Variants in EOGT observed in about 807,000 individuals in gnomAD.
EOGT encodes EGF domain specific O-linked N-acetylglucosamine transferase.
Under a neutral mutation model 70.5 loss-of-function variants are expected in EOGT, and 55 were observed. The ratio of observed to expected loss-of-function variants is 0.78; its 90% CI spans 0.63 to 0.98. EOGT has a LOEUF of 0.98. EOGT is among the 50% of genes least tolerant of loss of function. EOGT has a pLI of 0.00. For missense variants in EOGT, 703 were observed against 641.9 expected (o/e 1.10, Z -1.03); for synonymous variants, 246 against 217.1 (o/e 1.13, Z -1.17).
intron 5 of EOGT, 22 bp from the exon 6 acceptor site, chr3:69,007,843 CTG>C (rs761578936): frequency 4.9e-5 from 76 of 1,542,108 alleles, no homozygotes; most frequent in Admixed American, 2.7e-4. Flanking sequence ...TAAAAATATT[CTG>C]TGTTTTTTTC....
chr3:68,997,589 G>C (rs1008854194), intron 10 of EOGT, among the ~76,000 whole-genome samples: 1 of 152,000 alleles, frequency 6.6e-6, no homozygotes. Context: ...GGCTAGTCTC[G>C]AACTCCTGGC....
At chr3:69,007,461 T>C (rs2091463272) in intron 6 of EOGT, among the ~76,000 whole-genome samples, 1 of 134,998 alleles carries the variant, frequency 7.4e-6, no homozygotes, top group South Asian at 2.3e-4. Context: ...GCGATCAGCC[T>C]GGCAACATGG....
In EOGT at chr3:68,992,947, C is replaced by T. The variant is rs184422920; in HGVS notation, c.832-3930G>A. Among the ~76,000 whole-genome samples the T allele has an allele frequency of 8.8e-3, 1,338 of 152,302 alleles. 20 individuals are homozygous for T. Among genetic ancestry groups the T allele is most frequent in the African/African-American group, 0.031 (1,281 of 41,566 alleles). On this transcript the variant is annotated intron_variant, in intron 10 of 17. Coordinates refer to ENST00000383701, the MANE Select transcript of EOGT (RefSeq NM_001278689.2). ...TGGCTCCTTTCAGCCATGGCTGGAGCGGCTAGGACACAAGGCACCAAGTCC... is the reference window on the plus strand; with the variant it reads ...TGGCTCCTTTCAGCCATGGCTGGAGTGGCTAGGACACAAGGCACCAAGTCC...
intron 10 of EOGT, among the ~76,000 whole-genome samples, chr3:68,995,238 C>T (rs1323264279): frequency 3.3e-5 from 5 of 152,142 alleles, no homozygotes; most frequent in Non-Finnish European, 7.4e-5. Flanking sequence ...TCCTTACCAA[C>T]AAAAGGGAAA....
Position 68,998,048 on chromosome 3 carries a change from G to T in EOGT, c.794C>A (p.Ser265Ter). Residue 265 changes from serine (S) to a stop codon, truncating the protein, a stop_gained, in exon 10 of 18, where the codon TCA becomes TAA. Transcript: ENST00000383701. LOFTEE classifies it high-confidence loss of function. ...CACGATGTACACGTCAGTACTGAAT[G>T]AGTTATTAACGTGCTGAGTAATATA... ...NLYITQHVNN[S>*]FSTDVYIVMW... is the part of the protein sequence containing the mutation. 1 of 1,599,752 alleles carries T rather than the reference G, an allele frequency of 6.3e-7. No individual in the cohort carries two copies. Among genetic ancestry groups the T allele is most frequent in the Non-Finnish European group, 8.5e-7 (1 of 1,172,288 alleles).
intron 10 of EOGT, 115 bp downstream of exon 10, chr3:68,997,896 G>A: frequency 3.1e-6 from 2 of 653,350 alleles, no homozygotes; most frequent in Non-Finnish European, 5.4e-6. Flanking sequence ...CGCATTATGT[G>A]CGGCTGTACA....
chr3:68,989,563 T>C lies in EOGT; in HGVS notation c.832-546A>G, dbSNP rs1367796093. On this transcript the variant is annotated intron_variant, in intron 10 of 17. Transcript: ENST00000383701. ...AGGAGTTTGAGACCAGCCTGACCAA[T>C]ATGATGAAACCCCATCTCTACTAAA... 3.3e-5 allele frequency among the ~76,000 whole-genome samples: 5 copies of C among 151,562 alleles called. No individual in the cohort carries two copies. In the East Asian group the frequency reaches 9.7e-4, roughly 29 times the overall value.
chr3:68,986,139 G>A (rs556952309), intron 14 of EOGT, among the ~76,000 whole-genome samples: 7 of 152,276 alleles, frequency 4.6e-5, no homozygotes, highest in East Asian at 1.9e-4. Context: ...TGTCCAGGCC[G>A]AGGCAAAAGT....
chr3:68,997,570 T>C (rs571351495), intron 10 of EOGT, among the ~76,000 whole-genome samples: 111 of 152,260 alleles, frequency 7.3e-4, no homozygotes, highest in South Asian at 2.3e-3. Flanking sequence ...GATTTCACCA[T>C]GTTGGCCAGG....
At position 69,007,818 on chromosome 3, in the gene EOGT, C is replaced by T. The variant is rs755939220; in HGVS notation, c.315G>A (p.Thr105=). 33 of 1,592,828 alleles carry T rather than the reference C, an allele frequency of 2.1e-5. No homozygotes were observed. The African/African-American group carries it at 3.5e-4, about 17-fold the overall frequency. The change falls in exon 6 of 18, where the codon ACG becomes ACA. Residue 105 remains threonine (T), a synonymous_variant. Transcript: ENST00000383701. ...PVCSYVDMGW[T]DTLESAEDIF... ...TGTCCTCAGCTGACTCAAGAGTGTC[C>T]GTCCTATTTGCAAATAAAAATATTC...
intron 9 of EOGT, among the ~76,000 whole-genome samples, chr3:68,998,354 T>G (rs2091208991): frequency 6.6e-6 from 1 of 152,184 alleles, no homozygotes; most frequent in Non-Finnish European, 1.5e-5. Flanking sequence ...CAGGAATGCA[T>G]TTTCCCATAT....
intron 10 of EOGT, among the ~76,000 whole-genome samples, chr3:68,989,490 G>A (rs946038676): frequency 2.6e-5 from 4 of 152,140 alleles, no homozygotes; most frequent in Non-Finnish European, 5.9e-5. Flanking sequence ...GCTCACAGCT[G>A]TAATCCCAGC....
At position 68,988,289 on chromosome 3, in the gene EOGT, C is replaced by G. The variant is rs748171710; in HGVS notation, c.1083+6G>C. The G allele has an allele frequency of 6.5e-7, 1 of 1,529,736 alleles. No individual in the cohort carries two copies. Among genetic ancestry groups the G allele is most frequent in the Non-Finnish European group, 8.8e-7 (1 of 1,141,338 alleles). The allele number at this position is 1,529,736 out of a possible 1,614,324, so 94.8% of individuals were successfully genotyped here. A position where few individuals can be genotyped will look rare whatever the true frequency, so the allele number is the denominator to read the frequency against. ...CCCACCTCAGAATCCGCAGTGTATC[C>G]ATTACCTTAGGTCCTTCTTGTGTGA... On this transcript the variant is annotated splice_donor_region_variant and intron_variant, in intron 13 of 17. Transcript: ENST00000383701.
In EOGT at chr3:69,004,411, G is replaced by A. The variant is rs778686242; in HGVS notation, c.587C>T (p.Ser196Phe). 7.4e-6 allele frequency: 12 copies of A among 1,613,982 alleles called. No individual in the cohort carries two copies. The Admixed American group carries it at 8.3e-5, about 11-fold the overall frequency. ...CAGAGGGCTTTTGCGCTGACCTTCAGACGTCAATGTACGGATGTCAAGTTT... is the reference window on the plus strand; with the variant it reads ...CAGAGGGCTTTTGCGCTGACCTTCAAACGTCAATGTACGGATGTCAAGTTT... ...HCKLDIRTLT[S>F]EGQRKSPLQS... Residue 196 changes from serine (S) to phenylalanine (F), a missense_variant, in exon 8 of 18, where the codon TCT becomes TTT. Transcript: ENST00000383701.
intron 5 of EOGT, among the ~76,000 whole-genome samples, chr3:69,008,127 T>A (rs1213977608): frequency 6.6e-6 from 1 of 152,178 alleles, no homozygotes; most frequent in East Asian, 1.9e-4. Flanking sequence ...GTATTGGAAG[T>A]ACTAATTATA....
chr3:68,999,150 T>C (rs1164204108), intron 9 of EOGT, among the ~76,000 whole-genome samples: 1 of 152,102 alleles, frequency 6.6e-6, no homozygotes, highest in Non-Finnish European at 1.5e-5. Flanking sequence ...TCTATAGAAA[T>C]GGGAAATAGT....
At chr3:69,008,653 TAAC>T in intron 4 of EOGT, 125 bp from the exon 5 acceptor site, 1 of 663,946 alleles carries the variant, frequency 1.5e-6, no homozygotes, top group Non-Finnish European at 2.6e-6. Flanking sequence ...CGTATTCTTA[TAAC>T]AATAAATTTA....
intron 10 of EOGT, among the ~76,000 whole-genome samples, chr3:68,994,618 C>A (rs2091093427): frequency 1.3e-5 from 2 of 152,034 alleles, no homozygotes; most frequent in African/African-American, 4.8e-5. Context: ...ATGGTGAAAC[C>A]CTGTCTCTAC....
At chr3:68,995,243 G>A (rs2091111964) in intron 10 of EOGT, among the ~76,000 whole-genome samples, 2 of 152,138 alleles carry the variant, frequency 1.3e-5, no homozygotes, top group Non-Finnish European at 2.9e-5. Flanking sequence ...ACCAACAAAA[G>A]GGAAACAGCA....
Sources: allele counts gnomAD v4.1 joint callset (sites outside exome capture counted in the v4.1 genomes callset), GRCh38; gene constraint gnomAD v4.1.1; transcripts MANE v1.5; gene names NCBI Gene and HGNC (gene_info 2026-07-23, HGNC 2026-07-21).